Variants in SUPT6H observed in about 807,000 individuals in gnomAD.
SUPT6H encodes transcription elongation factor SPT6.
Under a neutral mutation model 222.3 loss-of-function variants are expected in SUPT6H, and 11 were observed. The observed-to-expected ratio is 0.05, with a 90% CI of 0.03 to 0.08. The LOEUF (loss-of-function observed/expected upper bound fraction) is 0.08, where lower values mean the gene tolerates loss of function less well. Among genes scored for constraint, SUPT6H ranks in the 10% least tolerant of loss-of-function variants. SUPT6H has a pLI of 1.00. For missense variants in SUPT6H, 1,422 were observed against 2,216.0 expected, an observed-to-expected ratio of 0.64 and a Z score of 7.19; for synonymous variants, 762 against 801.2, an observed-to-expected ratio of 0.95 and a Z score of 0.83.
At chr17:28,666,314 A>G (rs886479166) in intron 1 of SUPT6H, among the ~76,000 whole-genome samples, 2 of 152,188 alleles carry the variant, frequency 1.3e-5, no homozygotes, top group Non-Finnish European at 2.9e-5. Context: ...ATTCATTTAC[A>G]TGTTATGTAT....
In SUPT6H at chr17:28,689,474, T is replaced by C. The variant is rs542352023; in HGVS notation, c.3255T>C (p.Pro1085=). 55 of 1,614,226 alleles carry C rather than the reference T, an allele frequency of 3.4e-5. No individual in the cohort carries two copies. The African/African-American group carries it at 7.1e-4, about 21-fold the overall frequency. Residue 1085 remains proline, a synonymous_variant, in exon 25 of 37, where the codon CCT becomes CCC. Coordinates refer to ENST00000314616, the MANE Select transcript of SUPT6H (RefSeq NM_003170.5). The stretch of plus-strand genomic sequence containing the variant: ...ATGAATCAGCCGAGGATGCCAATCC[T>C]GCAGGAGCCCTTGAAGAAATCTTGG... ...EYDESAEDAN[P]AGALEEILEN...
At chr17:28,676,480 A>G (rs775582313) in intron 7 of SUPT6H, 50 bp downstream of exon 7, 9 of 1,607,618 alleles carry the variant, frequency 5.6e-6, no homozygotes, top group Non-Finnish European at 7.6e-6. Flanking sequence ...ATTACCTTGT[A>G]GCCAAGAAAT....
intron 19 of SUPT6H, 24 bp from the exon 20 acceptor site, chr17:28,686,314 CA>C: frequency 6.2e-7 from 1 of 1,607,034 alleles, no homozygotes; most frequent in African/African-American, 1.3e-5. Flanking sequence ...CAGAGCCATT[CA>C]GCTTCAATTT....
At chr17:28,680,445 A>C (rs975974807) in intron 11 of SUPT6H, among the ~76,000 whole-genome samples, 3 of 151,882 alleles carry the variant, frequency 2.0e-5, no homozygotes, top group Non-Finnish European at 4.4e-5. Flanking sequence ...TAAAAATACA[A>C]AAATTAGTCG....
In SUPT6H at chr17:28,696,830, T is replaced by G. The variant is rs1336352235; in HGVS notation, c.3971-14T>G. On this transcript the variant is annotated splice_polypyrimidine_tract_variant and intron_variant, in intron 29 of 36. Transcript: ENST00000314616. The stretch of plus-strand genomic sequence containing the variant: ...CCCATCACCCAGTCTGTACTGCTTT[T>G]CTGCCCTTTTCAGCATACATCAAGA... 6.2e-7 allele frequency: 1 copy of G among 1,613,160 alleles called. No individual in the cohort carries two copies. Among genetic ancestry groups the G allele is most frequent in the African/African-American group, 1.3e-5 (1 of 74,954 alleles).
At position 28,684,451 on chromosome 17, in the gene SUPT6H, T is replaced by C; in HGVS notation, c.2230-135T>C. ...TGCCTTCAGGTGGTAAGCCTGCCAA[T>C]GGCTAGGAACATCTGCACATAAGAG... On this transcript the variant is annotated intron_variant, in intron 17 of 36. Transcript: ENST00000314616. The C allele has an allele frequency of 5.6e-6, 6 of 1,065,288 alleles. No individual in the cohort carries two copies. In the South Asian group the frequency reaches 9.3e-5, roughly 16 times the overall value. The allele number at this position is 1,065,288 out of a possible 1,614,324, so 66.0% of individuals were successfully genotyped here.
chr17:28,667,405 GTATATATATATA>G lies in SUPT6H; in HGVS notation c.-32+5083_-32+5094del, dbSNP rs59286877. On this transcript the variant is annotated intron_variant, in intron 1 of 36. Transcript: ENST00000314616. Reference sequence around the variant, plus strand: ...AAAAAAAAAAAAAAAGTGTGTGTGTGTATATATATATATATATATATATATATATATGTATGT... The same window carrying G: ...AAAAAAAAAAAAAAAGTGTGTGTGTGTATATATATATATATATATGTATGT... Among the ~76,000 whole-genome samples the G allele has an allele frequency of 1.2e-3, 58 of 49,304 alleles. 3 individuals are homozygous for G. The highest frequency in any genetic ancestry group is 4.2e-3 in the African/African-American group (52 of 12,522). 32.3% of individuals were successfully genotyped at this position (49,304 alleles called of 152,430 possible). A position where few individuals can be genotyped will look rare whatever the true frequency, so the allele number is the denominator to read the frequency against.
At chr17:28,689,911 G>A (rs1002113746) in intron 25 of SUPT6H, among the ~76,000 whole-genome samples, 171 bp from the exon 26 acceptor site, 1 of 152,146 alleles carries the variant, frequency 6.6e-6, no homozygotes, top group Non-Finnish European at 1.5e-5. Context: ...TGATTACAGT[G>A]TTTCATGGCT....
intron 25 of SUPT6H, 77 bp from the exon 26 acceptor site, chr17:28,690,005 C>G: frequency 6.5e-7 from 1 of 1,530,142 alleles, no homozygotes; most frequent in East Asian, 2.3e-5. Context: ...TGGAGAGGCC[C>G]GCCCCTTCCA....
rs1254745440 is a variant in SUPT6H, at chr17:28,678,706, C to T, written c.1206+72C>T. On this transcript the variant is annotated intron_variant, in intron 10 of 36. Coordinates refer to ENST00000314616, the MANE Select transcript of SUPT6H (RefSeq NM_003170.5). Reference sequence around the variant, plus strand: ...CCATTACTACCAGGATACCACAAACCCAAACCCCCCAGGCCTGTCTAGTCC... The same window carrying T: ...CCATTACTACCAGGATACCACAAACTCAAACCCCCCAGGCCTGTCTAGTCC... The T allele has an allele frequency of 3.1e-6, 5 of 1,610,732 alleles. No individual in the cohort carries two copies. The Admixed American group carries it at 5.0e-5, about 16-fold the overall frequency.
At chr17:28,687,924 CTT>C (rs75324284) in intron 23 of SUPT6H, among the ~76,000 whole-genome samples, 165 bp from the exon 24 acceptor site, 39 of 134,076 alleles carry the variant, frequency 2.9e-4, no homozygotes, top group African/African-American at 3.8e-4. Flanking sequence ...TAAAGCAAAA[CTT>C]TTTTTTTTTT....
intron 18 of SUPT6H, 42 bp downstream of exon 18, chr17:28,684,767 TC>T (rs1465979970): frequency 6.2e-7 from 1 of 1,612,952 alleles, no homozygotes; most frequent in Non-Finnish European, 8.5e-7. Context: ...TCTCTTGTCT[TC>T]CTAATTTCAT....
At chr17:28,696,585 C>CAAAA (rs368924462) in intron 29 of SUPT6H, among the ~76,000 whole-genome samples, 3 of 54,036 alleles carry the variant, frequency 5.6e-5, no homozygotes, top group Admixed American at 2.2e-4. Flanking sequence ...GAGACTGTCT[C>CAAAA]AAAAAAAAAA....
At chr17:28,695,634 C>T in intron 29 of SUPT6H, 87 bp downstream of exon 29, 7 of 1,425,578 alleles carry the variant, frequency 4.9e-6, no homozygotes, top group Non-Finnish European at 6.6e-6. Flanking sequence ...GCACATGTGT[C>T]AGTCTCCCAG....
chr17:28,684,663 C>T lies in SUPT6H; in HGVS notation c.2307C>T (p.Asp769=). The change falls in exon 18 of 37, where the codon GAC becomes GAT. Residue 769 remains aspartate, a synonymous_variant. Coordinates refer to ENST00000314616, the MANE Select transcript of SUPT6H (RefSeq NM_003170.5). ...ATCAGCAGGTGGAAGAAGATGACGA[C>T]TTTATGGACGAGAACCAAGGGAAGG... ...RPDQQVEEDD[D]FMDENQGKGI... is the part of the protein sequence containing the mutation. 1 of 1,614,174 alleles carries T rather than the reference C, an allele frequency of 6.2e-7. No individual in the cohort carries two copies. Among genetic ancestry groups the T allele is most frequent in the Non-Finnish European group, 8.5e-7 (1 of 1,180,038 alleles).
chr17:28,679,114 G>A (rs2030932542), intron 11 of SUPT6H, 151 bp downstream of exon 11: 13 of 1,041,250 alleles, frequency 1.2e-5, no homozygotes, highest in Non-Finnish European at 1.8e-5. Flanking sequence ...GCTCATGCCT[G>A]TAATCCCAGC....
Position 28,701,478 on chromosome 17 carries a change from G to C in SUPT6H, c.5034G>C (p.Ala1678=). ...SHAAIDWGKM[A]EQWLQEKEAE... ...CAGCCATCGACTGGGGAAAAATGGCGGAGCAGTGGCTGCAGGAAAAGGAGG... is the reference window on the plus strand; with the variant it reads ...CAGCCATCGACTGGGGAAAAATGGCCGAGCAGTGGCTGCAGGAAAAGGAGG... The change falls in exon 37 of 37, where the codon GCG becomes GCC. Residue 1678 remains alanine, a synonymous_variant. Coordinates refer to ENST00000314616, the MANE Select transcript of SUPT6H (RefSeq NM_003170.5). 1 of 1,614,164 alleles carries C rather than the reference G, an allele frequency of 6.2e-7. No homozygotes were observed. The highest frequency in any genetic ancestry group is 8.5e-7 in the Non-Finnish European group (1 of 1,180,028).
chr17:28,687,508 C>T, intron 23 of SUPT6H, 37 bp downstream of exon 23: 1 of 1,601,254 alleles, frequency 6.2e-7, no homozygotes, highest in South Asian at 1.1e-5. Flanking sequence ...TTAAAACTTG[C>T]CATTTCATTG....
chr17:28,667,505 A>G lies in SUPT6H; in HGVS notation c.-32+5163A>G, dbSNP rs1272290130. Among the ~76,000 whole-genome samples the G allele has an allele frequency of 4.1e-5, 6 of 145,050 alleles. No homozygotes were observed. The East Asian group carries it at 8.0e-4, about 19-fold the overall frequency. ...TGTGTGTATATATGTATATGTGTAT[A>G]TATATATAAATACGTGTGTGTGTGT... is the stretch of plus-strand genomic sequence containing the variant. On this transcript the variant is annotated intron_variant, in intron 1 of 36. Transcript: ENST00000314616.
Sources: allele counts gnomAD v4.1 joint callset (sites outside exome capture counted in the v4.1 genomes callset), GRCh38; gene constraint gnomAD v4.1.1; transcripts MANE v1.5; gene names NCBI Gene and HGNC (gene_info 2026-07-23, HGNC 2026-07-21).